The following A2M variants were observed in gnomAD, a reference collection of about 807,000 sequenced individuals.
The protein encoded by A2M is C3 and PZP-like alpha-2-macroglobulin domain-containing protein 5.
A2M carries 128 observed loss-of-function variants against 183.9 expected under a neutral mutation model. That is an observed-to-expected ratio of 0.70 (90% CI 0.60 to 0.81). The LOEUF (loss-of-function observed/expected upper bound fraction) is 0.81, where lower values mean the gene tolerates loss of function less well. Among genes scored for constraint, A2M ranks in the 30% least tolerant of loss-of-function variants. The probability of loss-of-function intolerance (pLI) is 0.00; values close to 1 mark genes in which losing one functional copy is unlikely to be tolerated. For missense variants in A2M, 1,495 were observed against 1,787.6 expected, an observed-to-expected ratio of 0.84 and a Z score of 2.95; for synonymous variants, 592 against 670.8, an observed-to-expected ratio of 0.88 and a Z score of 1.81.
intron 1 of A2M, among the ~76,000 whole-genome samples, chr12:9,114,302 T>A (rs922088552): frequency 6.6e-6 from 1 of 152,208 alleles, no homozygotes; most frequent in Admixed American, 6.5e-5. Context: ...TTTTTATACA[T>A]TTTTGCTCAC....
chr12:9,083,754 GAAAA>G (rs58917708), intron 22 of A2M, among the ~76,000 whole-genome samples: 5 of 142,498 alleles, frequency 3.5e-5, no homozygotes, highest in Admixed American at 3.5e-4. Context: ...TATAGAATCA[GAAAA>G]AAAAAAAAGC....
chr12:9,068,266 T>G (rs977518383), intron 34 of A2M, 42 bp from the exon 35 acceptor site: 1 of 1,588,272 alleles, frequency 6.3e-7, no homozygotes, highest in East Asian at 2.2e-5. Context: ...AATCATTACA[T>G]GAAGTGAGAA....
chr12:9,107,504 A>T lies in A2M; in HGVS notation c.879+20T>A, dbSNP rs377594039. ...AATGCCTTTATCGCTATTCTCTAGA[A>T]AAAATAGTGTTCAACCTACCTGTCC... On this transcript the variant is annotated intron_variant, in intron 8 of 35. Coordinates refer to ENST00000318602, the MANE Select transcript of A2M (RefSeq NM_000014.6). 9.9e-6 allele frequency: 16 copies of T among 1,613,202 alleles called. No homozygotes were observed. In the African/African-American group the frequency reaches 2.0e-4, roughly 20 times the overall value.
intron 13 of A2M, 114 bp downstream of exon 13, chr12:9,101,030 A>G: frequency 1.1e-6 from 1 of 947,660 alleles, no homozygotes; most frequent in Non-Finnish European, 1.6e-6. Context: ...ACCAAACACC[A>G]CCTGTTCCCC....
At chr12:9,112,573 A>C in intron 2 of A2M, 37 bp from the exon 3 acceptor site, 1 of 1,610,682 alleles carries the variant, frequency 6.2e-7, no homozygotes, top group Non-Finnish European at 8.5e-7. Context: ...CCCATTCAGC[A>C]CCCGCAGGTC....
chr12:9,068,937 T>C, intron 33 of A2M, 95 bp from the exon 34 acceptor site: 1 of 827,244 alleles, frequency 1.2e-6, no homozygotes, highest in East Asian at 2.7e-5. Flanking sequence ...GGGAAAAGCT[T>C]TATTATCCTA....
chr12:9,071,686 A>G (rs1948585497), intron 31 of A2M, among the ~76,000 whole-genome samples: 1 of 152,194 alleles, frequency 6.6e-6, no homozygotes, highest in South Asian at 2.1e-4. Context: ...AAATGAGAAC[A>G]TGCAGTGTTT....
chr12:9,069,748 A>T lies in A2M; in HGVS notation c.4260T>A (p.Asp1420Glu). The change falls in exon 33 of 36, where the codon GAT becomes GAA. Residue 1420 changes from aspartate to glutamate, a missense_variant. Physicochemically the swap from Asp to Glu is conservative, Grantham distance 45. Coordinates refer to ENST00000318602, the MANE Select transcript of A2M (RefSeq NM_000014.6). The part of the protein sequence containing the change: ...VSSNHVLIYL[D>E]KVSNQTLSLF... ...AATAGACTGGAAGTTCTCTTACCTT[A>T]TCAAGGTAAATCAAGACATGGTTGC... The T allele has an allele frequency of 6.2e-7, 1 of 1,610,456 alleles. No homozygotes were observed. Among genetic ancestry groups the T allele is most frequent in the Middle Eastern group, 1.7e-4 (1 of 6,048 alleles).
intron 27 of A2M, 82 bp downstream of exon 27, chr12:9,077,264 T>C (rs1948774158): frequency 7.8e-7 from 1 of 1,274,040 alleles, no homozygotes; most frequent in East Asian, 2.5e-5. Flanking sequence ...TTGCTTTTAA[T>C]AGGATAGTAT....
intron 31 of A2M, among the ~76,000 whole-genome samples, chr12:9,071,371 C>T (rs1268254573): frequency 2.6e-5 from 4 of 151,480 alleles, no homozygotes; most frequent in African/African-American, 7.3e-5. Context: ...AGTTTGCATC[C>T]GAAATTTGGA....
chr12:9,072,955 G>T, intron 29 of A2M, 84 bp from the exon 30 acceptor site: 1 of 1,088,124 alleles, frequency 9.2e-7, no homozygotes, highest in Non-Finnish European at 1.3e-6. Flanking sequence ...CCCATGTGAG[G>T]GACTTTGATT....
Position 9,084,000 on chromosome 12 carries a change from G to A in A2M, c.2771-3823C>T, listed in dbSNP as rs191259326. 4.1e-4 allele frequency among the ~76,000 whole-genome samples: 63 copies of A among 152,174 alleles called. No individual in the cohort carries two copies. In the East Asian group the frequency reaches 6.7e-3, roughly 16 times the overall value. On this transcript the variant is annotated intron_variant, in intron 22 of 35. Transcript: ENST00000318602. ...ATCCATGGATTTTTAGCAGTAACCC[G>A]GCAGGCTGAGGGAGAGTGGAATAAT...
intron 17 of A2M, among the ~76,000 whole-genome samples, chr12:9,094,574 A>C (rs1949317469): frequency 6.6e-6 from 1 of 152,040 alleles, no homozygotes; most frequent in African/African-American, 2.4e-5. Context: ...ATATGGGACT[A>C]TAAATAAATG....
At chr12:9,086,986 C>A (rs963367372) in intron 22 of A2M, among the ~76,000 whole-genome samples, 1 of 152,024 alleles carries the variant, frequency 6.6e-6, no homozygotes, top group African/African-American at 2.4e-5. Flanking sequence ...ATTTTCTGTT[C>A]ACTAACAATG....
At chr12:9,097,085 T>C (rs1387783577) in intron 15 of A2M, among the ~76,000 whole-genome samples, 1 of 152,234 alleles carries the variant, frequency 6.6e-6, no homozygotes, top group African/African-American at 2.4e-5. Flanking sequence ...CTGCCTTATC[T>C]ACCCATCAGG....
At chr12:9,102,228 T>A (rs938147099) in intron 11 of A2M, among the ~76,000 whole-genome samples, 5 of 152,164 alleles carry the variant, frequency 3.3e-5, no homozygotes, top group African/African-American at 1.2e-4. Flanking sequence ...TTATTATTAT[T>A]TTTTTGAGAC....
Position 9,101,593 on chromosome 12 carries a change from G to A in A2M, c.1348C>T (p.Leu450Phe), listed in dbSNP as rs1233754631. 6.2e-7 allele frequency: 1 copy of A among 1,613,878 alleles called. No individual in the cohort carries two copies. Among genetic ancestry groups the A allele is most frequent in the African/African-American group, 1.3e-5 (1 of 74,930 alleles). ...EHEEAHHTAY[L>F]VFSPSKSFVH... ...AAGCTCTTGCTTGGGGAGAACACAAGATAAGCAGTGTGATGTGCCTCTTCG... is the reference window on the plus strand; with the variant it reads ...AAGCTCTTGCTTGGGGAGAACACAAAATAAGCAGTGTGATGTGCCTCTTCG... Residue 450 changes from leucine (L) to phenylalanine (F), a missense_variant, in exon 12 of 36, where the codon CTT becomes TTT. By Grantham distance (22) the Leu-to-Phe change is conservative (BLOSUM62 0). Transcript: ENST00000318602.
Position 9,089,220 on chromosome 12 carries a change from T to C in A2M, c.2750A>G (p.Asn917Ser), listed in dbSNP as rs765908680. Residue 917 changes from asparagine to serine, a missense_variant, in exon 22 of 36, where the codon AAC becomes AGC. Transcript: ENST00000318602. ...PEGLEKETTF[N>S]SLLCPSGGEV... The stretch of plus-strand genomic sequence containing the variant: ...CTTACCTGATGGACAAAGTAGGGAG[T>C]TGAATGTTGTTTCCTTCTCTAGTCC... 23 of 1,589,908 alleles carry C rather than the reference T, an allele frequency of 1.4e-5. No individual in the cohort carries two copies. In the Middle Eastern group the frequency reaches 5.0e-4, roughly 34 times the overall value.
Position 9,112,394 on chromosome 12 carries a change from T to C in A2M, c.413A>G (p.Tyr138Cys), listed in dbSNP as rs1022699862. 9 of 1,613,740 alleles carry C rather than the reference T, an allele frequency of 5.6e-6. No homozygotes were observed. The highest frequency in any genetic ancestry group is 1.3e-5 in the African/African-American group (1 of 74,908). Reference protein sequence around the residue: ...LVFVQTDKSIYKPGQTVKFRV... With the variant: ...LVFVQTDKSICKPGQTVKFRV... ...CTTCATACCTGTCTGCCCTGGTTTG[T>C]AGATTGATTTGTCTGTCTGGACAAA... Residue 138 changes from tyrosine (Y) to cysteine (C), a missense_variant, in exon 3 of 36, where the codon TAC becomes TGC. Transcript: ENST00000318602.
Sources: allele counts gnomAD v4.1 joint callset (sites outside exome capture counted in the v4.1 genomes callset), GRCh38; gene constraint gnomAD v4.1.1; transcripts MANE v1.5; gene names NCBI Gene and HGNC (gene_info 2026-07-23, HGNC 2026-07-21).